Variants in EDRF1 observed in about 807,000 individuals in gnomAD.
EDRF1 encodes the protein erythroid differentiation-related factor 1.
Under a neutral mutation model 148.7 loss-of-function variants are expected in EDRF1, and 69 were observed. The observed-to-expected ratio is 0.46, with a 90% CI of 0.38 to 0.57. The LOEUF (loss-of-function observed/expected upper bound fraction) is 0.57. Among genes scored for constraint, EDRF1 ranks in the 20% least tolerant of loss-of-function variants. EDRF1 has a pLI of 0.00. For synonymous variants in EDRF1, 515 were observed against 532.8 expected (o/e 0.97, Z 0.46); for missense variants, 1,118 against 1,478.7 (o/e 0.76, Z 4.00).
chr10:125,752,757 A>G, intron 22 of EDRF1, 42 bp from the exon 23 acceptor site: 1 of 1,344,382 alleles, frequency 7.4e-7, no homozygotes, highest in Non-Finnish European at 1.1e-6. Flanking sequence ...GGGTTTCTAG[A>G]TTTATATTAA....
intron 24 of EDRF1, among the ~76,000 whole-genome samples, chr10:125,762,167 G>A (rs547416712): frequency 6.6e-6 from 1 of 152,298 alleles, no homozygotes; most frequent in South Asian, 2.1e-4. Flanking sequence ...GGAACTCCTG[G>A]GGAAGGGAGC....
rs1381190560 is a variant in EDRF1 at position 125,749,516 on chromosome 10, G to C, written c.3228G>C (p.Leu1076=). 1 of 1,614,198 alleles carries C rather than the reference G, an allele frequency of 6.2e-7. No individual in the cohort carries two copies. The highest frequency in any genetic ancestry group is 1.7e-5 in the Admixed American group (1 of 60,020). The stretch of plus-strand genomic sequence containing the variant: ...TGCTGAAAGATGCTCCCTGCGAACT[G>C]CTTAGAGTACAGCTAGAGAGAGTAG... ...FQLLKDAPCE[L]LRVQLERVAF... is the part of the protein sequence containing the mutation. The change falls in exon 22 of 25, where the codon CTG becomes CTC. Residue 1076 remains leucine, a synonymous_variant. Coordinates refer to ENST00000356792, the MANE Select transcript of EDRF1 (RefSeq NM_001202438.2).
At position 125,729,030 on chromosome 10, in the gene EDRF1, A is replaced by G. The variant is rs1327269806; in HGVS notation, c.820A>G (p.Ile274Val). The change falls in exon 7 of 25, where the codon ATA becomes GTA. Residue 274 changes from isoleucine to valine, a missense_variant. Around this residue, in one of 3 missense-constraint regions of EDRF1, gnomAD observed 954 missense variants for 1,241.4 expected, o/e 0.77. Transcript: ENST00000356792. ...AAGTGAGCCTCTTGAACCCTCATAC[A>G]TAGTGGGGCATGTGGCCTCAGCCCC... is the stretch of plus-strand genomic sequence containing the variant. ...QGSEPLEPSYIVGHVASAPKE... is the reference protein window; with the variant it reads ...QGSEPLEPSYVVGHVASAPKE... The G allele has an allele frequency of 1.9e-6, 3 of 1,583,078 alleles. No homozygotes were observed. The highest frequency in any genetic ancestry group is 2.6e-6 in the Non-Finnish European group (3 of 1,172,100).
In EDRF1 at chr10:125,734,071, G is replaced by A; in HGVS notation, c.1386-1G>A. ...AAAGTTGATATAAACTCTTTTTTTAGGGTTGCTTGCAACATGATGATGAAG... is the reference window on the plus strand; with the variant it reads ...AAAGTTGATATAAACTCTTTTTTTAAGGTTGCTTGCAACATGATGATGAAG... On this transcript the variant is annotated splice_acceptor_variant, in intron 11 of 24. Transcript: ENST00000356792. LOFTEE classifies it high-confidence loss of function. 1 of 1,610,548 alleles carries A rather than the reference G, an allele frequency of 6.2e-7. No individual in the cohort carries two copies.
At chr10:125,762,109 C>T (rs1290609855) in intron 24 of EDRF1, among the ~76,000 whole-genome samples, 1 of 151,954 alleles carries the variant, frequency 6.6e-6, no homozygotes, top group Non-Finnish European at 1.5e-5. Flanking sequence ...CTAAAGGCAG[C>T]GATGGGGATC....
At chr10:125,727,061 C>A (rs959095338) in intron 6 of EDRF1, among the ~76,000 whole-genome samples, 1 of 151,972 alleles carries the variant, frequency 6.6e-6, no homozygotes, top group South Asian at 2.1e-4. Context: ...CTTGGAGCTG[C>A]GTATTGTACA....
chr10:125,738,129 C>A (rs779528459), intron 14 of EDRF1, 140 bp downstream of exon 14: 2 of 1,349,610 alleles, frequency 1.5e-6, no homozygotes, highest in South Asian at 1.2e-5. Flanking sequence ...AAGTGAAAAT[C>A]AGATTTGTTT....
intron 22 of EDRF1, among the ~76,000 whole-genome samples, chr10:125,751,702 G>A (rs10794020): frequency 0.62 from 94,626 of 152,108 alleles, 32,208 homozygotes; most frequent in East Asian, 0.79. Flanking sequence ...GTCTGTCGGC[G>A]GTCTCCAAGA....
rs1272156748 is a variant in EDRF1 at position 125,745,885 on chromosome 10, A to G, written c.2769A>G (p.Glu923=). The part of the protein sequence containing the change: ...CAQAHCGAGD[E]LKREFSPEEG... ...AGGCCCACTGTGGTGCAGGGGATGAACTGAAACGTGAATTTTCACCAGAAG... is the reference window on the plus strand; with the variant it reads ...AGGCCCACTGTGGTGCAGGGGATGAGCTGAAACGTGAATTTTCACCAGAAG... Residue 923 remains glutamate, a synonymous_variant, in exon 19 of 25, where the codon GAA becomes GAG. Coordinates refer to ENST00000356792, the MANE Select transcript of EDRF1 (RefSeq NM_001202438.2). 6.2e-7 allele frequency: 1 copy of G among 1,614,140 alleles called. No individual in the cohort carries two copies. The highest frequency in any genetic ancestry group is 8.5e-7 in the Non-Finnish European group (1 of 1,180,054).
chr10:125,732,974 G>C lies in EDRF1; in HGVS notation c.1129-430G>C, dbSNP rs564441934. Among the ~76,000 whole-genome samples, 10 of 152,148 alleles carry C rather than the reference G, an allele frequency of 6.6e-5. No individual in the cohort carries two copies. In the South Asian group the frequency reaches 1.9e-3, roughly 28 times the overall value. On this transcript the variant is annotated intron_variant, in intron 9 of 24. Transcript: ENST00000356792. The stretch of plus-strand genomic sequence containing the variant: ...ATTTCCTAAATGATTCTCTCTCCTT[G>C]AGTCACTGACTGTAGTTTCTAGCAA...
chr10:125,725,886 CCTTTTT>C, intron 6 of EDRF1, 48 bp downstream of exon 6: 1 of 1,585,466 alleles, frequency 6.3e-7, no homozygotes, highest in Non-Finnish European at 8.6e-7. Flanking sequence ...GAAAACAAAG[CCTTTTT>C]TAACATCTCG....
chr10:125,736,625 C>G (rs1233220011), intron 13 of EDRF1, among the ~76,000 whole-genome samples: 1 of 152,102 alleles, frequency 6.6e-6, no homozygotes, highest in Non-Finnish European at 1.5e-5. Flanking sequence ...TTTTGAGGGG[C>G]TATGTCTGTC....
intron 22 of EDRF1, 105 bp from the exon 23 acceptor site, chr10:125,752,694 T>C (rs1359995497): frequency 5.4e-6 from 4 of 741,744 alleles, no homozygotes; most frequent in Non-Finnish European, 9.2e-6. Context: ...CTCATTAGCT[T>C]CCTTTATAGC....
At chr10:125,729,657 C>T (rs1263606167) in intron 8 of EDRF1, among the ~76,000 whole-genome samples, 178 bp downstream of exon 8, 2 of 152,198 alleles carry the variant, frequency 1.3e-5, no homozygotes, top group Non-Finnish European at 2.9e-5. Context: ...TGGGCATCTT[C>T]CTCTTTCTCT....
intron 11 of EDRF1, 102 bp downstream of exon 11, chr10:125,733,845 T>G: frequency 8.7e-7 from 1 of 1,145,884 alleles, no homozygotes; most frequent in Non-Finnish European, 1.3e-6. Context: ...TGCTTTTAGG[T>G]TTTCATAGTA....
At chr10:125,724,054 A>T in intron 4 of EDRF1, 118 bp downstream of exon 4, 2 of 1,196,826 alleles carry the variant, frequency 1.7e-6, no homozygotes, top group South Asian at 2.7e-5. Context: ...AACAATCGAG[A>T]AATTGAAAGT....
intron 2 of EDRF1, among the ~76,000 whole-genome samples, chr10:125,722,733 G>A (rs1251314741): frequency 6.6e-6 from 1 of 151,948 alleles, no homozygotes; most frequent in Admixed American, 6.6e-5. Context: ...ATAAAGTTTT[G>A]AACTATTTTC....
Position 125,746,026 on chromosome 10 carries a change from A to C in EDRF1, c.2814+96A>C, listed in dbSNP as rs927269482. 18 of 1,119,980 alleles carry C rather than the reference A, an allele frequency of 1.6e-5. No homozygotes were observed. In the Admixed American group the frequency reaches 2.8e-4, roughly 17 times the overall value. 69.4% of individuals were successfully genotyped at this position (1,119,980 alleles called of 1,614,324 possible). On this transcript the variant is annotated intron_variant, in intron 19 of 24. Coordinates refer to ENST00000356792, the MANE Select transcript of EDRF1 (RefSeq NM_001202438.2). Reference sequence around the variant, plus strand: ...ACTAAAATACTATAAAACTAAAAATAATTAAACTCTGCTAATGATACAACA... The same window carrying C: ...ACTAAAATACTATAAAACTAAAAATCATTAAACTCTGCTAATGATACAACA...
At chr10:125,745,314 C>T in intron 18 of EDRF1, 1 of 218,492 alleles carries the variant, frequency 4.6e-6, no homozygotes, top group African/African-American at 2.2e-5. Flanking sequence ...CCTTGGCTTG[C>T]AGATAACCGC....
Sources: allele counts gnomAD v4.1 joint callset (sites outside exome capture counted in the v4.1 genomes callset), GRCh38; gene constraint gnomAD v4.1.1; regional missense constraint gnomAD v4.1.1; transcripts MANE v1.5; gene names NCBI Gene and HGNC (gene_info 2026-07-23, HGNC 2026-07-21).